MBD5: variants seen among roughly 807,000 people sequenced by gnomAD.
The protein encoded by MBD5 is methyl-CpG-binding domain protein 5.
MBD5 carries 13 observed loss-of-function variants against 117.3 expected under a neutral mutation model. The ratio of observed to expected loss-of-function variants is 0.11; its 90% CI spans 0.07 to 0.18. The LOEUF (loss-of-function observed/expected upper bound fraction) is 0.18. MBD5 is among the 10% of genes least tolerant of loss of function. MBD5 has a pLI of 1.00. For synonymous variants in MBD5, 727 were observed against 766.4 expected (o/e 0.95, Z 0.85); for missense variants, 1,879 against 2,093.8 (o/e 0.90, Z 2.00).
At chr2:148,407,782 C>T (rs1368843006) in intron 4 of MBD5, among the ~76,000 whole-genome samples, 2 of 152,040 alleles carry the variant, frequency 1.3e-5, no homozygotes, top group Non-Finnish European at 2.9e-5. Flanking sequence ...TGTTAAATTC[C>T]TTTCATTTGT....
Position 148,502,515 on chromosome 2 carries a change from C to A in MBD5, c.5036+6C>A. 1 of 1,613,438 alleles carries A rather than the reference C, an allele frequency of 6.2e-7. No individual in the cohort carries two copies. Among genetic ancestry groups the A allele is most frequent in the Non-Finnish European group, 8.5e-7 (1 of 1,179,540 alleles). On this transcript the variant is annotated splice_donor_region_variant and intron_variant, in intron 12 of 13. Transcript: ENST00000642680. ...GTCCGGAAAAGGAACAGAAAGTAAG[C>A]ACTTTTCCAAAATTTTACTTTGTTT...
intron 1 of MBD5, among the ~76,000 whole-genome samples, chr2:148,081,559 G>C (rs990463834): frequency 6.6e-6 from 1 of 152,116 alleles, no homozygotes; most frequent in Non-Finnish European, 1.5e-5. Context: ...AATACCAGCC[G>C]TGGTAAGGAG....
At chr2:148,395,973 T>A (rs1704702920) in intron 4 of MBD5, among the ~76,000 whole-genome samples, 1 of 152,212 alleles carries the variant, frequency 6.6e-6, no homozygotes, top group Non-Finnish European at 1.5e-5. Context: ...ATGTTATTTG[T>A]CTTGTCACTC....
intron 3 of MBD5, among the ~76,000 whole-genome samples, chr2:148,268,037 C>A (rs1700900641): frequency 6.7e-6 from 1 of 150,328 alleles, no homozygotes; most frequent in South Asian, 2.1e-4. Context: ...TTGACCTCTG[C>A]CTTCCAGGCT....
At chr2:148,393,410 AT>A (rs1704619759) in intron 4 of MBD5, 1 of 152,222 alleles carries the variant, frequency 6.6e-6, no homozygotes, top group African/African-American at 2.4e-5. Flanking sequence ...ACTAGTTAAA[AT>A]AACAAGACAG....
At chr2:148,052,227 T>TTTTTTTTTTTGG (rs1694728857) in intron 1 of MBD5, among the ~76,000 whole-genome samples, 1 of 144,798 alleles carries the variant, frequency 6.9e-6, no homozygotes, top group Non-Finnish European at 1.5e-5. Context: ...TTTTTTTTTT[T>TTTTTTTTTTTGG]GAGATGGAGT....
intron 4 of MBD5, among the ~76,000 whole-genome samples, chr2:148,363,549 AAAGGTTAG>A (rs1703604210): frequency 6.6e-6 from 1 of 152,122 alleles, no homozygotes; most frequent in Non-Finnish European, 1.5e-5. Flanking sequence ...AACCTTGAGA[AAAGGTTAG>A]ACAAATTGCT....
chr2:148,043,132 T>G (rs377200935), intron 1 of MBD5, among the ~76,000 whole-genome samples: 65 of 152,084 alleles, frequency 4.3e-4, no homozygotes, highest in Admixed American at 2.0e-4. Context: ...TCTTATTGTA[T>G]TAGAATTTCT....
chr2:148,258,532 G>A (rs549190173), intron 3 of MBD5, among the ~76,000 whole-genome samples: 3 of 152,248 alleles, frequency 2.0e-5, no homozygotes, highest in Admixed American at 6.5e-5. Flanking sequence ...CCCCCAAACT[G>A]GGCATCCCGG....
chr2:148,480,598 A>T (rs1054323426), intron 8 of MBD5, among the ~76,000 whole-genome samples: 4 of 152,086 alleles, frequency 2.6e-5, no homozygotes, highest in Non-Finnish European at 4.4e-5. Flanking sequence ...TAAAAGTTTT[A>T]AAAAAATTAA....
Position 148,378,506 on chromosome 2 carries a change from A to G in MBD5, c.-557+36170A>G, listed in dbSNP as rs1166819005. Among the ~76,000 whole-genome samples the G allele has an allele frequency of 5.9e-5, 9 of 152,078 alleles. No individual in the cohort carries two copies. In the East Asian group the frequency reaches 1.5e-3, roughly 26 times the overall value. ...TTCCTCTCGCTTTTAAGTAGAATAA[A>G]TAATTCCTTTTTTTGTCAGAGTAGT... On this transcript the variant is annotated intron_variant, in intron 4 of 13. Coordinates refer to ENST00000642680, the MANE Select transcript of MBD5 (RefSeq NM_001378120.1).
At chr2:148,510,176 A>G (rs1682175037) in intron 13 of MBD5, 41 bp downstream of exon 13, 1 of 1,450,818 alleles carries the variant, frequency 6.9e-7, no homozygotes, top group Admixed American at 1.7e-5. Flanking sequence ...GTTTCTTTGA[A>G]AATAAATTGT....
intron 4 of MBD5, among the ~76,000 whole-genome samples, chr2:148,418,306 A>T (rs1705488284): frequency 6.6e-6 from 1 of 152,084 alleles, no homozygotes; most frequent in African/African-American, 2.4e-5. Flanking sequence ...ACTAGGCCCC[A>T]CTTATTTATT....
chr2:148,398,685 T>G (rs1338949038), intron 4 of MBD5, among the ~76,000 whole-genome samples: 1 of 152,222 alleles, frequency 6.6e-6, no homozygotes, highest in African/African-American at 2.4e-5. Context: ...TTTTGGCTTT[T>G]GTTGCCATTG....
Position 148,340,098 on chromosome 2 carries a change from A to G in MBD5, c.-679-2116A>G, listed in dbSNP as rs1249074694. Among the ~76,000 whole-genome samples the G allele has an allele frequency of 2.6e-5, 4 of 152,116 alleles. No individual in the cohort carries two copies. In the East Asian group the frequency reaches 7.7e-4, roughly 29 times the overall value. ...CTCAGCAACTCCTTCCATTCTGCCT[A>G]AAAACTCTTTAAAATCCTTCACAAA... On this transcript the variant is annotated intron_variant, in intron 3 of 13. Transcript: ENST00000642680.
At chr2:148,118,764 C>T (rs1015373459) in intron 1 of MBD5, among the ~76,000 whole-genome samples, 3 of 152,108 alleles carry the variant, frequency 2.0e-5, no homozygotes, top group East Asian at 3.9e-4. Context: ...ACATTTCATA[C>T]AAATGGAATC....
intron 1 of MBD5, among the ~76,000 whole-genome samples, chr2:148,174,017 A>AT (rs1698324657): frequency 6.6e-6 from 1 of 152,214 alleles, no homozygotes; most frequent in Admixed American, 6.5e-5. Context: ...AGCTGGAGGC[A>AT]TCACACTACC....
At chr2:148,354,089 C>A (rs187465506) in intron 4 of MBD5, among the ~76,000 whole-genome samples, 165 of 152,128 alleles carry the variant, frequency 1.1e-3, no homozygotes, top group African/African-American at 3.3e-3. Flanking sequence ...CCAGTTACAT[C>A]TTTTAAAAAA....
intron 3 of MBD5, among the ~76,000 whole-genome samples, chr2:148,333,432 T>C (rs1257680026): frequency 2.0e-5 from 3 of 152,186 alleles, no homozygotes; most frequent in African/African-American, 7.2e-5. Flanking sequence ...ACCTAGAGAC[T>C]ATAAGATGGG....
Sources: gnomAD v4.1 joint callset for allele counts (sites outside exome capture counted in the v4.1 genomes callset) on GRCh38, gnomAD v4.1.1 for gene constraint, MANE v1.5 for transcripts, NCBI Gene and HGNC (gene_info 2026-07-23, HGNC 2026-07-21) for gene names.